The following PGBD2 variants were observed in gnomAD, a reference collection of about 807,000 sequenced individuals.
PGBD2 encodes the protein piggyBac transposable element derived 2, also known as piggyBac transposable element-derived protein 2.
In PGBD2, 6 loss-of-function variants were observed where a neutral mutation model predicts 8.1. The observed-to-expected ratio is 0.74, with a 90% confidence interval of 0.40 to 1.46. The LOEUF (loss-of-function observed/expected upper bound fraction) is 1.46. PGBD2 is among the 40% of genes most tolerant of loss of function. The pLI is 0.02. For synonymous variants in PGBD2, 318 were observed against 272.2 expected, an observed-to-expected ratio of 1.17 and a Z score of -1.66; for missense variants, 802 against 739.0, an observed-to-expected ratio of 1.09 and a Z score of -0.99.
chr1:248,884,743 T>A, the PGBD2 span, among the ~76,000 whole-genome samples: 3 of 152,348 alleles, frequency 2.0e-5, no homozygotes, highest in East Asian at 5.8e-4. Flanking sequence ...TCAGAGATTC[T>A]TTAATTTCAG....
rs1444330934 is a variant in PGBD2 at position 248,917,466 on chromosome 1, C to T, written c.882C>T (p.Tyr294=). The T allele has an allele frequency of 1.2e-6, 2 of 1,614,036 alleles. No homozygotes were observed. Among genetic ancestry groups the T allele is most frequent in the East Asian group, 4.5e-5 (2 of 44,870 alleles). ...GGGGGAAGCCTGTGCGACTTGGCTA[C>T]AAGATTTGGTGTGGGACAACCAGCA... The part of the protein sequence containing the change: ...LHRGKPVRLG[Y]KIWCGTTSRG... Residue 294 remains tyrosine, a synonymous_variant, in exon 3 of 3, where the codon TAC becomes TAT. Coordinates refer to ENST00000329291, the MANE Select transcript of PGBD2 (RefSeq NM_170725.3).
At chr1:248,926,331 T>G in the PGBD2 span, among the ~76,000 whole-genome samples, 1 of 152,210 alleles carries the variant, frequency 6.6e-6, no homozygotes, top group Non-Finnish European at 1.5e-5. Flanking sequence ...ATTACACTAT[T>G]ACATAATGTA....
chr1:248,912,359 A>G (rs1238825245), intron 1 of PGBD2, among the ~76,000 whole-genome samples: 1 of 152,178 alleles, frequency 6.6e-6, no homozygotes, highest in Non-Finnish European at 1.5e-5. Context: ...ATGCCCTTGG[A>G]CACTAACACT....
the PGBD2 span, among the ~76,000 whole-genome samples, chr1:248,896,691 C>T: frequency 1.3e-5 from 2 of 152,170 alleles, no homozygotes; most frequent in South Asian, 2.1e-4. Flanking sequence ...CAGTCTTCAG[C>T]GCTCACCAAG....
intron 2 of PGBD2, among the ~76,000 whole-genome samples, chr1:248,915,217 G>C (rs185194039): frequency 6.6e-6 from 1 of 152,344 alleles, no homozygotes; most frequent in Non-Finnish European, 1.5e-5. Flanking sequence ...GGTGGGAGTG[G>C]AGTGTACCCA....
intron 1 of PGBD2, among the ~76,000 whole-genome samples, chr1:248,907,206 G>GA (rs1260291145): frequency 1.3e-5 from 2 of 152,226 alleles, no homozygotes; most frequent in Non-Finnish European, 2.9e-5. Flanking sequence ...AGTTCAAGTG[G>GA]AGGTACTATG....
At chr1:248,901,656 A>G (rs1348095418), upstream of PGBD2, among the ~76,000 whole-genome samples, 1 of 152,226 alleles carries the variant, frequency 6.6e-6, no homozygotes, top group East Asian at 1.9e-4. Flanking sequence ...AATCTAGGCA[A>G]TACCATTCAG....
chr1:248,873,086 G>A, the PGBD2 span, among the ~76,000 whole-genome samples: 1 of 152,134 alleles, frequency 6.6e-6, no homozygotes, highest in Non-Finnish European at 1.5e-5. Flanking sequence ...TCTATTTACC[G>A]TTGTGTTCCC....
At position 248,911,751 on chromosome 1, in the gene PGBD2, AC is replaced by A. The variant is rs919810418; in HGVS notation, c.-47-2058del. Among the ~76,000 whole-genome samples the A allele has an allele frequency of 1.1e-4, 16 of 146,788 alleles. No individual in the cohort carries two copies. The South Asian group carries it at 3.4e-3, about 31-fold the overall frequency. On this transcript the variant is annotated intron_variant, in intron 1 of 2. Transcript: ENST00000329291. Reference sequence around the variant, plus strand: ...GGGCGGCTGGCCGGGCGGGGGGCTGACCCCCCCACCTCCCTCCCGGACGGGG... The same window carrying A: ...GGGCGGCTGGCCGGGCGGGGGGCTGACCCCCCACCTCCCTCCCGGACGGGG...
the PGBD2 span, among the ~76,000 whole-genome samples, chr1:248,892,575 C>G: frequency 6.6e-6 from 1 of 152,036 alleles, no homozygotes; most frequent in African/African-American, 2.4e-5. Flanking sequence ...CAACTGTAAA[C>G]ATTCTATGTG....
chr1:248,902,591 C>G (rs926963328), upstream of PGBD2, among the ~76,000 whole-genome samples: 6 of 152,194 alleles, frequency 3.9e-5, no homozygotes, highest in South Asian at 4.1e-4. Flanking sequence ...GACATGTAAT[C>G]AACCCAAATG....
At chr1:248,923,908 A>G (rs1313509193), downstream of PGBD2, among the ~76,000 whole-genome samples, 1 of 152,200 alleles carries the variant, frequency 6.6e-6, no homozygotes, top group African/African-American at 2.4e-5. Flanking sequence ...CCAGCTACCA[A>G]GACAGCTCCT....
intron 1 of PGBD2, among the ~76,000 whole-genome samples, chr1:248,908,495 G>A (rs1171253217): frequency 6.6e-6 from 1 of 152,030 alleles, no homozygotes; most frequent in African/African-American, 2.4e-5. Flanking sequence ...CAATTATCCA[G>A]GCTTGATGGT....
chr1:248,897,959 C>T, the PGBD2 span, among the ~76,000 whole-genome samples: 10 of 152,324 alleles, frequency 6.6e-5, no homozygotes, highest in East Asian at 7.7e-4. Context: ...TCAGCAGCTA[C>T]GGCAGGTTGT....
chr1:248,884,547 C>T, the PGBD2 span, among the ~76,000 whole-genome samples: 14 of 152,164 alleles, frequency 9.2e-5, no homozygotes, highest in African/African-American at 2.9e-4. Context: ...GGGTTTCACC[C>T]TATCAGCCAG....
the PGBD2 span, among the ~76,000 whole-genome samples, chr1:248,929,280 C>T: frequency 3.4e-4 from 52 of 152,186 alleles, no homozygotes; most frequent in Non-Finnish European, 6.2e-4. Flanking sequence ...TCTGCCATCT[C>T]CATTCGTCTC....
At chr1:248,908,278 C>A (rs1373998105) in intron 1 of PGBD2, among the ~76,000 whole-genome samples, 1 of 152,144 alleles carries the variant, frequency 6.6e-6, no homozygotes, top group Admixed American at 6.5e-5. Context: ...CCAGGTCTCA[C>A]ACCAAGTTGC....
the PGBD2 span, among the ~76,000 whole-genome samples, chr1:248,884,962 C>G: frequency 6.6e-6 from 1 of 151,948 alleles, no homozygotes; most frequent in Admixed American, 6.6e-5. Context: ...TCAGATGAAT[C>G]CTGGTCAGTT....
chr1:248,908,243 A>G (rs1661730086), intron 1 of PGBD2, among the ~76,000 whole-genome samples: 1 of 152,048 alleles, frequency 6.6e-6, no homozygotes, highest in African/African-American at 2.4e-5. Context: ...ATCCCCTAGG[A>G]CCCTTTAGAG....
Sources: gnomAD v4.1 joint callset for allele counts (sites outside exome capture counted in the v4.1 genomes callset) on GRCh38, gnomAD v4.1.1 for gene constraint, MANE v1.5 for transcripts, NCBI Gene and HGNC (gene_info 2026-07-23, HGNC 2026-07-21) for gene names.